VWA5A: variants seen among roughly 807,000 people sequenced by gnomAD.
VWA5A encodes the protein von Willebrand factor A domain containing 5A.
In VWA5A, 77 loss-of-function variants were observed where a neutral mutation model predicts 84.6. That is an observed-to-expected ratio of 0.91 (90% CI 0.76 to 1.10). The LOEUF (loss-of-function observed/expected upper bound fraction) is 1.10, where lower values mean the gene tolerates loss of function less well. Among genes scored for constraint, VWA5A ranks in the 50% least tolerant of loss-of-function variants. VWA5A has a pLI of 0.00. For missense variants in VWA5A, 973 were observed against 963.0 expected (o/e 1.01, Z -0.14); for synonymous variants, 334 against 350.1 (o/e 0.95, Z 0.51).
intron 15 of VWA5A, among the ~76,000 whole-genome samples, chr11:124,138,569 T>C (rs911373736): frequency 1.3e-5 from 2 of 152,250 alleles, no homozygotes; most frequent in Admixed American, 1.3e-4. Flanking sequence ...ATATACCTAT[T>C]GGCCATTTGT....
chr11:124,136,059 A>T, intron 12 of VWA5A, 70 bp from the exon 13 acceptor site: 1 of 1,513,098 alleles, frequency 6.6e-7, no homozygotes, highest in East Asian at 2.3e-5. Context: ...ATACATAATA[A>T]ATGTCCAGTT....
chr11:124,129,470 G>C (rs1865066167), intron 11 of VWA5A, among the ~76,000 whole-genome samples: 1 of 152,136 alleles, frequency 6.6e-6, no homozygotes, highest in Non-Finnish European at 1.5e-5. Flanking sequence ...CCAGGTTTTG[G>C]TATTAAGATG....
At chr11:124,144,998 G>A (rs149914118) in intron 17 of VWA5A, among the ~76,000 whole-genome samples, 194 of 152,192 alleles carry the variant, frequency 1.3e-3, no homozygotes, top group African/African-American at 4.5e-3. Flanking sequence ...TTCCAGAACC[G>A]TCCTGGTGGT....
intron 15 of VWA5A, among the ~76,000 whole-genome samples, chr11:124,138,120 A>G (rs1219802407): frequency 6.6e-6 from 1 of 152,176 alleles, no homozygotes. Context: ...AAGTTCATCT[A>G]TGTTGTTGCA....
chr11:124,136,404 T>G, intron 13 of VWA5A, 111 bp downstream of exon 13: 1 of 1,481,428 alleles, frequency 6.8e-7, no homozygotes, highest in South Asian at 1.3e-5. Context: ...TTGCCAAGTA[T>G]AGCTAGCCTA....
chr11:124,132,235 A>G (rs995949022), intron 11 of VWA5A, among the ~76,000 whole-genome samples: 2 of 151,964 alleles, frequency 1.3e-5, no homozygotes, highest in Non-Finnish European at 2.9e-5. Flanking sequence ...ATATTTTTTC[A>G]TTCAGTTGGA....
In VWA5A at chr11:124,146,640, T is replaced by A. The variant is rs988861663; in HGVS notation, c.*695T>A. Reference sequence around the variant, plus strand: ...ATGAAACACCTTAAGAAGTCTATAATGCAATCCTTAGTCCTACCCTGAACC... The same window carrying A: ...ATGAAACACCTTAAGAAGTCTATAAAGCAATCCTTAGTCCTACCCTGAACC... On this transcript the variant is annotated 3_prime_UTR_variant, in exon 19 of 19. Coordinates refer to ENST00000456829, the MANE Select transcript of VWA5A (RefSeq NM_001130142.2). 6.6e-6 allele frequency: 1 copy of A among 152,258 alleles called. No individual in the cohort carries two copies. Among genetic ancestry groups the A allele is most frequent in the East Asian group, 1.9e-4 (1 of 5,184 alleles). The allele number at this position is 152,258 out of a possible 1,614,324, so 9.4% of individuals were successfully genotyped here.
chr11:124,123,551 G>A, intron 9 of VWA5A, 97 bp downstream of exon 9: 1 of 1,605,542 alleles, frequency 6.2e-7, no homozygotes, highest in Non-Finnish European at 8.5e-7. Flanking sequence ...CTTTGGCATT[G>A]GGGGTTTCGG....
At position 124,145,920 on chromosome 11, in the gene VWA5A, T is replaced by C; in HGVS notation, c.2336T>C (p.Val779Ala). 2 of 1,587,846 alleles carry C rather than the reference T, an allele frequency of 1.3e-6. No homozygotes were observed. The highest frequency in any genetic ancestry group is 1.7e-6 in the Non-Finnish European group (2 of 1,163,174). Reference sequence around the variant, plus strand: ...GCTATTACTTTCCTGAAGTCATCTGTGGATCCTGCTATCTTTGCCTTTTGA... The same window carrying C: ...GCTATTACTTTCCTGAAGTCATCTGCGGATCCTGCTATCTTTGCCTTTTGA... ...KAAITFLKSS[V>A]DPAIFAF Residue 779 changes from valine (V) to alanine (A), a missense_variant, in exon 19 of 19, where the codon GTG becomes GCG. Coordinates refer to ENST00000456829, the MANE Select transcript of VWA5A (RefSeq NM_001130142.2).
At chr11:124,118,768 TC>T in intron 6 of VWA5A, 60 bp downstream of exon 6, 1 of 1,556,486 alleles carries the variant, frequency 6.4e-7, no homozygotes, top group Non-Finnish European at 8.7e-7. Flanking sequence ...CTTGACTTGG[TC>T]CCCAACCAGT....
At chr11:124,117,434 G>A (rs774275919) in intron 2 of VWA5A, 63 bp from the exon 3 acceptor site, 1 of 1,451,356 alleles carries the variant, frequency 6.9e-7, no homozygotes, top group East Asian at 2.3e-5. Context: ...GGCACATAAA[G>A]TACTGGTGTT....
intron 7 of VWA5A, among the ~76,000 whole-genome samples, chr11:124,121,120 A>G (rs554933980): frequency 1.4e-4 from 21 of 152,356 alleles, no homozygotes; most frequent in African/African-American, 4.8e-4. Context: ...CACTGAAACC[A>G]TTCAGAGTTC....
At chr11:124,138,445 T>G (rs1860657972) in intron 15 of VWA5A, among the ~76,000 whole-genome samples, 1 of 152,102 alleles carries the variant, frequency 6.6e-6, no homozygotes, top group South Asian at 2.1e-4. Flanking sequence ...TCCTCACCAG[T>G]ACTTGTTATC....
intron 10 of VWA5A, 74 bp downstream of exon 10, chr11:124,123,878 AT>A: frequency 6.7e-7 from 1 of 1,495,406 alleles, no homozygotes; most frequent in South Asian, 1.4e-5. Context: ...CCTGAGCTTC[AT>A]GCAGTATGTT....
chr11:124,118,914 C>T (rs934854484), intron 6 of VWA5A, 61 bp from the exon 7 acceptor site: 169 of 1,545,362 alleles, frequency 1.1e-4, no homozygotes, highest in Non-Finnish European at 1.4e-4. Context: ...GCCCTAACCT[C>T]AGCCCCAAGA....
chr11:124,128,445 G>C (rs993117964), intron 11 of VWA5A, among the ~76,000 whole-genome samples: 2 of 152,150 alleles, frequency 1.3e-5, no homozygotes, highest in Non-Finnish European at 2.9e-5. Context: ...GCCAGGTAGC[G>C]TGATGCCTCC....
intron 16 of VWA5A, among the ~76,000 whole-genome samples, 199 bp downstream of exon 16, chr11:124,141,940 G>A (rs181098354): frequency 1.3e-5 from 2 of 152,218 alleles, no homozygotes; most frequent in Non-Finnish European, 2.9e-5. Flanking sequence ...GGCAGGCCTC[G>A]GTTCACCCCT....
chr11:124,129,838 A>G (rs1865072267), intron 11 of VWA5A, among the ~76,000 whole-genome samples: 8 of 152,018 alleles, frequency 5.3e-5, no homozygotes, highest in Admixed American at 5.2e-4. Context: ...TACTCCCTTT[A>G]TCACTTTTAT....
chr11:124,123,739 A>C lies in VWA5A; in HGVS notation c.1099A>C (p.Thr367Pro). The C allele has an allele frequency of 6.2e-7, 1 of 1,611,070 alleles. No individual in the cohort carries two copies. The highest frequency in any genetic ancestry group is 8.5e-7 in the Non-Finnish European group (1 of 1,178,938). Residue 367 changes from threonine (T) to proline (P), a missense_variant, in exon 10 of 19, where the codon ACT (threonine) becomes CCT (proline). Coordinates refer to ENST00000456829, the MANE Select transcript of VWA5A (RefSeq NM_001130142.2). ...VKLMQADLGG[T>P]EILAPLQNIY... is the part of the protein sequence containing the mutation. Reference sequence around the variant, plus strand: ...GCTTATGCAGGCCGACCTAGGGGGCACTGAAATCTTGGCACCACTCCAGAA... The same window carrying C: ...GCTTATGCAGGCCGACCTAGGGGGCCCTGAAATCTTGGCACCACTCCAGAA...
Sources: allele counts gnomAD v4.1 joint callset (sites outside exome capture counted in the v4.1 genomes callset), GRCh38; gene constraint gnomAD v4.1.1; transcripts MANE v1.5; gene names NCBI Gene and HGNC (gene_info 2026-07-23, HGNC 2026-07-21).